LRBA: variants seen among roughly 807,000 people sequenced by gnomAD.
LRBA encodes the protein LPS responsive beige-like anchor protein.
A neutral mutation model predicts 330.0 loss-of-function variants in LRBA; 176 were observed. The ratio of observed to expected loss-of-function variants is 0.53; its 90% CI spans 0.47 to 0.60. The LOEUF is 0.60. LRBA is among the 20% of genes least tolerant of loss of function. LRBA has a pLI of 0.00. For synonymous variants in LRBA, 1,230 were observed against 1,193.0 expected, an observed-to-expected ratio of 1.03 and a Z score of -0.64; for missense variants, 3,259 against 3,444.8, an observed-to-expected ratio of 0.95 and a Z score of 1.35.
intron 38 of LRBA, 115 bp from the exon 39 acceptor site, chr4:150,590,974 T>C: frequency 2.4e-6 from 2 of 836,144 alleles, no homozygotes; most frequent in Non-Finnish European, 1.8e-6. Context: ...TTATACACAG[T>C]GTCAGCTACA....
chr4:150,837,427 T>G (rs1167268254), intron 28 of LRBA, among the ~76,000 whole-genome samples: 2 of 152,110 alleles, frequency 1.3e-5, no homozygotes, highest in African/African-American at 4.8e-5. Flanking sequence ...TGTGTGGGAG[T>G]CTAAGTCTCT....
chr4:150,266,378 C>T (rs1199321061), intron 56 of LRBA, among the ~76,000 whole-genome samples: 1 of 152,214 alleles, frequency 6.6e-6, no homozygotes, highest in African/African-American at 2.4e-5. Context: ...AGGACCTAGT[C>T]CTCGTAACAC....
intron 34 of LRBA, among the ~76,000 whole-genome samples, chr4:150,780,042 G>T (rs1737948458): frequency 6.6e-6 from 1 of 152,090 alleles, no homozygotes; most frequent in Admixed American, 6.6e-5. Flanking sequence ...ACAACATTAA[G>T]AATTAAACAT....
intron 44 of LRBA, among the ~76,000 whole-genome samples, chr4:150,457,925 G>A (rs1042731472): frequency 6.6e-6 from 1 of 151,884 alleles, no homozygotes; most frequent in Non-Finnish European, 1.5e-5. Context: ...CATGATTAGA[G>A]AATAAATACT....
intron 34 of LRBA, among the ~76,000 whole-genome samples, chr4:150,786,648 C>T (rs1739100551): frequency 6.6e-6 from 1 of 152,102 alleles, no homozygotes; most frequent in Non-Finnish European, 1.5e-5. Context: ...CAAAAGAGGA[C>T]CATTTTCCAC....
At chr4:150,761,391 C>T (rs1735066448) in intron 35 of LRBA, among the ~76,000 whole-genome samples, 1 of 151,910 alleles carries the variant, frequency 6.6e-6, no homozygotes, top group Non-Finnish European at 1.5e-5. Flanking sequence ...AAACTTGTCC[C>T]CCCTCCCATT....
At chr4:150,836,955 C>T (rs294531) in intron 28 of LRBA, among the ~76,000 whole-genome samples, 127,987 of 152,018 alleles carry the variant, frequency 0.84, 54,872 homozygotes, top group Non-Finnish European at 0.94. Flanking sequence ...TCCCTCTACA[C>T]ACTGCTTTAA....
chr4:150,785,106 T>C (rs1158250622), intron 34 of LRBA, among the ~76,000 whole-genome samples: 1 of 152,126 alleles, frequency 6.6e-6, no homozygotes, highest in African/African-American at 2.4e-5. Flanking sequence ...GGGGGTTTGT[T>C]TTTCAGGATA....
At chr4:150,404,519 T>C (rs1225103886) in intron 47 of LRBA, among the ~76,000 whole-genome samples, 1 of 152,142 alleles carries the variant, frequency 6.6e-6, no homozygotes, top group Non-Finnish European at 1.5e-5. Flanking sequence ...TGGCAGGCAC[T>C]GTGGTAAGAA....
chr4:151,000,605 G>T (rs914333445), intron 2 of LRBA, among the ~76,000 whole-genome samples: 1 of 152,168 alleles, frequency 6.6e-6, no homozygotes, highest in Non-Finnish European at 1.5e-5. Context: ...GCATGGATAC[G>T]CTGGACAAAG....
At chr4:150,455,802 T>C (rs1306183168) in intron 44 of LRBA, among the ~76,000 whole-genome samples, 3 of 152,064 alleles carry the variant, frequency 2.0e-5, no homozygotes, top group African/African-American at 7.2e-5. Context: ...TCCCTACCTA[T>C]ACTCCATTCC....
intron 34 of LRBA, among the ~76,000 whole-genome samples, chr4:150,792,854 G>T (rs1190775344): frequency 6.6e-6 from 1 of 152,160 alleles, no homozygotes; most frequent in African/African-American, 2.4e-5. Context: ...GCCTAGGCGG[G>T]CGAATCACCT....
At chr4:150,419,923 C>T (rs1427099401) in intron 46 of LRBA, among the ~76,000 whole-genome samples, 2 of 150,564 alleles carry the variant, frequency 1.3e-5, no homozygotes, top group South Asian at 2.1e-4. Flanking sequence ...CAGGAATGAG[C>T]CACCAAGCCC....
intron 40 of LRBA, among the ~76,000 whole-genome samples, chr4:150,573,497 A>G (rs1770130256): frequency 6.6e-6 from 1 of 152,190 alleles, no homozygotes; most frequent in Admixed American, 6.5e-5. Context: ...TGCCCATTTA[A>G]GACCTATTTT....
At chr4:150,816,284 A>G (rs1744581031) in intron 31 of LRBA, among the ~76,000 whole-genome samples, 3 of 152,046 alleles carry the variant, frequency 2.0e-5, no homozygotes, top group Admixed American at 2.0e-4. Context: ...CTAGAATCAT[A>G]AGATGAGTGT....
intron 13 of LRBA, among the ~76,000 whole-genome samples, chr4:150,902,652 G>A (rs1730867380): frequency 6.6e-6 from 1 of 152,120 alleles, no homozygotes; most frequent in Non-Finnish European, 1.5e-5. Context: ...GAGCCCCTAC[G>A]CTCAGGCCTG....
chr4:150,580,884 A>AT (rs1245423406), intron 40 of LRBA: 5 of 153,224 alleles, frequency 3.3e-5, no homozygotes, highest in African/African-American at 9.6e-5. Context: ...ATAGTTATAG[A>AT]TTTTTGTGGC....
At chr4:150,923,516 AT>A (rs1260245385) in intron 4 of LRBA, among the ~76,000 whole-genome samples, 1 of 152,204 alleles carries the variant, frequency 6.6e-6, no homozygotes, top group African/African-American at 2.4e-5. Flanking sequence ...ATCATATTTC[AT>A]TCTACAATAT....
intron 42 of LRBA, among the ~76,000 whole-genome samples, chr4:150,473,437 T>C (rs890803147): frequency 6.6e-6 from 1 of 152,226 alleles, no homozygotes; most frequent in East Asian, 1.9e-4. Flanking sequence ...TGTGATGGCA[T>C]TTCCAGAGAG....
Sources: gnomAD v4.1 joint callset for allele counts (sites outside exome capture counted in the v4.1 genomes callset) on GRCh38, gnomAD v4.1.1 for gene constraint, MANE v1.5 for transcripts, NCBI Gene and HGNC (gene_info 2026-07-23, HGNC 2026-07-21) for gene names.